Variants in ACTL8 observed in about 807,000 individuals in gnomAD.
ACTL8 encodes the protein actin-like protein 8.
Under a neutral mutation model 9.3 loss-of-function variants are expected in ACTL8, and 3 were observed. The observed-to-expected ratio is 0.32, with a 90% CI of 0.15 to 0.83. The LOEUF is 0.83. Ranked by LOEUF, ACTL8 falls within the 40% of genes least tolerant of loss-of-function variation. The pLI is 0.57. For synonymous variants in ACTL8, 224 were observed against 205.9 expected, an observed-to-expected ratio of 1.09 and a Z score of -0.75; for missense variants, 381 against 492.2, an observed-to-expected ratio of 0.77 and a Z score of 2.14.
intron 1 of ACTL8, among the ~76,000 whole-genome samples, chr1:17,766,068 C>T (rs2066042178): frequency 6.6e-6 from 1 of 152,218 alleles, no homozygotes; most frequent in South Asian, 2.1e-4. Flanking sequence ...GAAGCAATGA[C>T]ACCCTGTGAC....
chr1:17,792,310 A>C (rs1198589016), intron 1 of ACTL8, among the ~76,000 whole-genome samples: 1 of 152,180 alleles, frequency 6.6e-6, no homozygotes, highest in Admixed American at 6.5e-5. Flanking sequence ...TGAGGCTTGG[A>C]GTTAGCTTTC....
rs143126820 is a variant in ACTL8, at chr1:17,804,764, C to T, written c.-24-18221C>T. Among the ~76,000 whole-genome samples the T allele has an allele frequency of 1.3e-3, 200 of 152,152 alleles. 4 individuals carry two copies. Among genetic ancestry groups the T allele is most frequent in the African/African-American group, 4.5e-3 (188 of 41,520 alleles). On this transcript the variant is annotated intron_variant, in intron 1 of 2. Coordinates refer to ENST00000375406, the MANE Select transcript of ACTL8 (RefSeq NM_030812.3). ...CCTGAGTAGCTGGGATATAGGCACA[C>T]ACCACCAAGCCCAGCTAATTTTTGT... is the stretch of plus-strand genomic sequence containing the variant.
chr1:17,765,182 T>G (rs2066035195), intron 1 of ACTL8, among the ~76,000 whole-genome samples: 1 of 152,178 alleles, frequency 6.6e-6, no homozygotes, highest in Non-Finnish European at 1.5e-5. Context: ...AGGTTGGGGC[T>G]GGCCTTCCTC....
At chr1:17,809,747 G>T (rs1487314190) in intron 1 of ACTL8, among the ~76,000 whole-genome samples, 1 of 151,968 alleles carries the variant, frequency 6.6e-6, no homozygotes, top group Non-Finnish European at 1.5e-5. Flanking sequence ...CCATCTAGTT[G>T]CAGGAAAACA....
intron 1 of ACTL8, among the ~76,000 whole-genome samples, chr1:17,800,202 A>G (rs2066310347): frequency 6.6e-6 from 1 of 152,224 alleles, no homozygotes; most frequent in Non-Finnish European, 1.5e-5. Flanking sequence ...TTAACATGAC[A>G]GTTTCCCTTT....
chr1:17,809,704 T>A (rs1293921553), intron 1 of ACTL8, among the ~76,000 whole-genome samples: 1 of 151,872 alleles, frequency 6.6e-6, no homozygotes, highest in Non-Finnish European at 1.5e-5. Context: ...TGCCCGATGA[T>A]CTGTCGGTGT....
intron 1 of ACTL8, among the ~76,000 whole-genome samples, chr1:17,804,131 T>C (rs2066341727): frequency 6.6e-6 from 1 of 152,206 alleles, no homozygotes; most frequent in Admixed American, 6.5e-5. Flanking sequence ...TTCACAGTGA[T>C]GTGCCCTGGC....
intron 1 of ACTL8, among the ~76,000 whole-genome samples, chr1:17,785,763 G>T (rs1382017753): frequency 1.3e-5 from 2 of 152,146 alleles, no homozygotes; most frequent in Non-Finnish European, 2.9e-5. Flanking sequence ...GGGTGTGTTA[G>T]TTTTTTCCTT....
chr1:17,812,888 C>T (rs574264031), intron 1 of ACTL8, among the ~76,000 whole-genome samples: 38 of 152,224 alleles, frequency 2.5e-4, no homozygotes, highest in Admixed American at 1.3e-3. Flanking sequence ...AAGTATCTCT[C>T]TCATAATTTT....
At chr1:17,801,732 T>C (rs1557441079) in intron 1 of ACTL8, among the ~76,000 whole-genome samples, 1 of 152,116 alleles carries the variant, frequency 6.6e-6, no homozygotes, top group Non-Finnish European at 1.5e-5. Flanking sequence ...TTTCAAAAAG[T>C]TTTTCATCTA....
chr1:17,822,583 C>A (rs1298205612), intron 1 of ACTL8, among the ~76,000 whole-genome samples: 1 of 152,172 alleles, frequency 6.6e-6, no homozygotes, highest in Non-Finnish European at 1.5e-5. Flanking sequence ...GTTCCTTGTG[C>A]CCTCTAATCA....
At chr1:17,772,057 C>T (rs776545537) in intron 1 of ACTL8, among the ~76,000 whole-genome samples, 26 of 152,156 alleles carry the variant, frequency 1.7e-4, no homozygotes, top group Non-Finnish European at 1.8e-4. Context: ...CGCTAACCTT[C>T]GCTGTGGACC....
At chr1:17,765,991 A>G (rs2066041942) in intron 1 of ACTL8, among the ~76,000 whole-genome samples, 1 of 152,196 alleles carries the variant, frequency 6.6e-6, no homozygotes. Context: ...GCCCTCCTGC[A>G]GAGTAATTAC....
At chr1:17,782,572 C>T (rs74060069) in intron 1 of ACTL8, among the ~76,000 whole-genome samples, 9,473 of 152,182 alleles carry the variant, frequency 0.062, 962 homozygotes, top group African/African-American at 0.21. Flanking sequence ...CCATAACATA[C>T]GTAACGGTGT....
intron 1 of ACTL8, among the ~76,000 whole-genome samples, chr1:17,798,585 A>G (rs1407397040): frequency 1.3e-5 from 2 of 152,192 alleles, no homozygotes; most frequent in Non-Finnish European, 2.9e-5. Flanking sequence ...TCTGAGTCAC[A>G]TCCTAATTTC....
At chr1:17,775,992 C>A (rs1216005316) in intron 1 of ACTL8, among the ~76,000 whole-genome samples, 1 of 152,190 alleles carries the variant, frequency 6.6e-6, no homozygotes, top group Non-Finnish European at 1.5e-5. Context: ...CCAGATCTGT[C>A]ACTGTTTGTG....
chr1:17,778,840 C>G (rs1250732373), intron 1 of ACTL8, among the ~76,000 whole-genome samples: 5 of 152,044 alleles, frequency 3.3e-5, no homozygotes, highest in Non-Finnish European at 5.9e-5. Flanking sequence ...AGGCTGCTCT[C>G]CCAGACATGG....
rs61766674 is a variant in ACTL8 at position 17,767,490 on chromosome 1, G to A, written c.-25+11986G>A. On this transcript the variant is annotated intron_variant, in intron 1 of 2. Transcript: ENST00000375406. The surrounding 1 kb of genome is among the most constrained non-coding windows in gnomAD (Gnocchi z 4.7). ...TGACGTCTGCACATCCTTCTCTCCC[G>A]GCTAAGACCTTCCCTGCTCTCCTGG... Among the ~76,000 whole-genome samples the A allele has an allele frequency of 2.4e-3, 360 of 152,146 alleles. No individual in the cohort carries two copies. The highest frequency in any genetic ancestry group is 4.2e-3 in the Non-Finnish European group (284 of 67,984).
chr1:17,811,009 G>A (rs1019133104), intron 1 of ACTL8, among the ~76,000 whole-genome samples: 3 of 152,158 alleles, frequency 2.0e-5, no homozygotes, highest in African/African-American at 7.2e-5. Context: ...CATAGGAATA[G>A]GATTACTTGT....
Sources: gnomAD v4.1 joint callset for allele counts (sites outside exome capture counted in the v4.1 genomes callset) on GRCh38, gnomAD v4.1.1 for gene constraint, Gnocchi (gnomAD v3.1) non-coding constraint, MANE v1.5 for transcripts, NCBI Gene and HGNC (gene_info 2026-07-23, HGNC 2026-07-21) for gene names.